Variants in ATP7A observed in about 807,000 individuals in gnomAD.
ATP7A encodes copper-transporting ATPase 1.
ATP7A carries 7 observed loss-of-function variants against 83.5 expected under a neutral mutation model. The ratio of observed to expected loss-of-function variants is 0.08; its 90% CI spans 0.05 to 0.16. The LOEUF is 0.16. Ranked by LOEUF, ATP7A falls within the 10% of genes least tolerant of loss-of-function variation. The pLI is 1.00. For synonymous variants in ATP7A, 354 were observed against 395.2 expected (o/e 0.90, Z 1.24); for missense variants, 940 against 1,120.8 (o/e 0.84, Z 2.30).
chrX:77,927,546 C>T (rs2077248361), intron 1 of ATP7A, among the ~76,000 whole-genome samples: 2 of 111,835 alleles, frequency 1.8e-5, no homozygotes, highest in Admixed American at 1.9e-4. Context: ...TTGTGATAAG[C>T]ATCCTTAGCC....
intron 2 of ATP7A, among the ~76,000 whole-genome samples, chrX:77,981,627 T>C (rs1557230916): frequency 9.0e-6 from 1 of 110,949 alleles, no homozygotes; most frequent in African/African-American, 3.3e-5. Flanking sequence ...TTGGGCAACA[T>C]AGCAAGACCT....
chrX:77,975,547 T>G (rs1000168750), intron 2 of ATP7A: 40 of 97,044 alleles, frequency 4.1e-4, no homozygotes, highest in African/African-American at 1.5e-3. Flanking sequence ...TGGAGTGCAG[T>G]GGTGCCATCT....
chrX:78,039,585 C>T (rs960599057), intron 18 of ATP7A, among the ~76,000 whole-genome samples: 2 of 111,926 alleles, frequency 1.8e-5, no homozygotes, highest in African/African-American at 6.5e-5. Context: ...CCACCCACTT[C>T]GGCCTCCCAA....
chrX:78,002,074 A>AT lies in ATP7A; in HGVS notation c.1544-986dup, dbSNP rs111547011. On this transcript the variant is annotated intron_variant, in intron 5 of 22. Transcript: ENST00000341514. The stretch of plus-strand genomic sequence containing the variant: ...CATAAGTGCATGAGTTCCTTTCTCT[A>AT]TTTTTTTTTTTTTGAGACAGGATCC... Among the ~76,000 whole-genome samples the AT allele has an allele frequency of 7.2e-3, 714 of 99,221 alleles. 3 individuals carry two copies. The highest frequency in any genetic ancestry group is 0.023 in the African/African-American group (617 of 27,286). The allele number at this position is 99,221 out of a possible 115,157, so 86.2% of individuals were successfully genotyped here.
chrX:78,030,723 G>A (rs782176852), intron 15 of ATP7A, among the ~76,000 whole-genome samples: 9 of 90,979 alleles, frequency 9.9e-5, no homozygotes, highest in East Asian at 3.4e-4. Context: ...ATGAAGTCTC[G>A]CTCTATGGCC....
At chrX:77,992,068 C>CTT (rs782066539) in intron 4 of ATP7A, among the ~76,000 whole-genome samples, 3 of 99,660 alleles carry the variant, frequency 3.0e-5, no homozygotes, top group Admixed American at 1.1e-4. Flanking sequence ...AAATTAGATT[C>CTT]TTTTTTTTTT....
chrX:77,937,625 T>C (rs2077327054), intron 1 of ATP7A, among the ~76,000 whole-genome samples: 1 of 111,911 alleles, frequency 8.9e-6, no homozygotes, highest in Non-Finnish European at 1.9e-5. Flanking sequence ...ATATACTCCT[T>C]GATTCGTGCA....
chrX:77,990,828 A>G (rs1289721960), intron 4 of ATP7A, among the ~76,000 whole-genome samples: 2 of 112,109 alleles, frequency 1.8e-5, no homozygotes, highest in African/African-American at 6.5e-5. Flanking sequence ...TTTCTGGACA[A>G]TATAATTAAT....
At chrX:77,911,256 T>C (rs1302047027) in intron 1 of ATP7A, among the ~76,000 whole-genome samples, 1 of 112,615 alleles carries the variant, frequency 8.9e-6, no homozygotes, top group African/African-American at 3.2e-5. Flanking sequence ...ATTTGGCTTC[T>C]TGTCTTGCTC....
Position 78,003,217 on chromosome X carries a change from A to G in ATP7A, c.1688A>G (p.Asp563Gly), listed in dbSNP as rs782561107. Residue 563 changes from aspartate (D) to glycine (G), a missense_variant, in exon 6 of 23, where the codon GAT becomes GGT. Asp to Gly is a moderately conservative substitution (Grantham distance 94, BLOSUM62 -1). Coordinates refer to ENST00000341514, the MANE Select transcript of ATP7A (RefSeq NM_000052.7). ...ATVIENADEG[D>G]GVLELVVRGM... is the part of the protein sequence containing the mutation. ...GTGATAGAAAATGCTGATGAAGGAG[A>G]TGGTGTTTTGGAACTTGTTGTAAGT... The G allele has an allele frequency of 2.5e-6, 3 of 1,210,663 alleles. No homozygotes were observed. The South Asian group carries it at 5.3e-5, about 21-fold the overall frequency.
chrX:78,044,919 A>G (rs1037326874), intron 21 of ATP7A, among the ~76,000 whole-genome samples: 3 of 112,469 alleles, frequency 2.7e-5, no homozygotes, highest in Non-Finnish European at 5.6e-5. Flanking sequence ...GAACAAAAGA[A>G]CAATCTAAGT....
intron 7 of ATP7A, among the ~76,000 whole-genome samples, chrX:78,010,361 C>G (rs1172720757): frequency 8.9e-6 from 1 of 111,809 alleles, no homozygotes; most frequent in Non-Finnish European, 1.9e-5. Context: ...GCACTGCCAA[C>G]AAATGTAAGA....
intron 1 of ATP7A, among the ~76,000 whole-genome samples, chrX:77,951,065 C>A (rs974428413): frequency 1.8e-5 from 2 of 111,314 alleles, no homozygotes; most frequent in Non-Finnish European, 3.8e-5. Flanking sequence ...TCAAATTCAG[C>A]GATTTCTAGT....
chrX:77,960,636 A>T (rs918178341), intron 1 of ATP7A, among the ~76,000 whole-genome samples: 24 of 111,868 alleles, frequency 2.1e-4, no homozygotes, highest in Non-Finnish European at 3.8e-4. Flanking sequence ...AGAGATGATC[A>T]TCTAGTCATA....
chrX:77,937,905 A>C (rs2077329123), intron 1 of ATP7A, among the ~76,000 whole-genome samples: 1 of 107,922 alleles, frequency 9.3e-6, no homozygotes, highest in Admixed American at 1.0e-4. Context: ...ACACACACAC[A>C]CACACATACA....
intron 1 of ATP7A, among the ~76,000 whole-genome samples, chrX:77,957,937 T>C (rs1296065546): frequency 9.0e-6 from 1 of 111,419 alleles, no homozygotes; most frequent in Non-Finnish European, 1.9e-5. Flanking sequence ...CCAAATCTCA[T>C]GTTGAAATGT....
chrX:78,027,993 G>GTATT (rs201122491), intron 14 of ATP7A, among the ~76,000 whole-genome samples: 2,227 of 104,601 alleles, frequency 0.021, 27 homozygotes, highest in African/African-American at 0.039. Flanking sequence ...AGTTTTTTTG[G>GTATT]TATTTATTTA....
At chrX:77,941,907 A>G (rs1303526148) in intron 1 of ATP7A, among the ~76,000 whole-genome samples, 1 of 112,473 alleles carries the variant, frequency 8.9e-6, no homozygotes, top group East Asian at 2.8e-4. Flanking sequence ...AATTAAGTAT[A>G]TCACACTAAC....
intron 2 of ATP7A, among the ~76,000 whole-genome samples, chrX:77,987,713 A>T (rs1305102362): frequency 2.7e-5 from 3 of 111,401 alleles, no homozygotes; most frequent in African/African-American, 9.8e-5. Flanking sequence ...GCCTTCACTC[A>T]TAAACCGGCA....
Sources: gnomAD v4.1 joint callset for allele counts (sites outside exome capture counted in the v4.1 genomes callset) on GRCh38, gnomAD v4.1.1 for gene constraint, MANE v1.5 for transcripts, NCBI Gene and HGNC (gene_info 2026-07-23, HGNC 2026-07-21) for gene names.